Variants in DDAH1 observed in about 807,000 individuals in gnomAD.
DDAH1 encodes the protein N(G),N(G)-dimethylarginine dimethylaminohydrolase 1.
In DDAH1, 19 loss-of-function variants were observed where a neutral mutation model predicts 28.8. The observed-to-expected ratio is 0.66, with a 90% CI of 0.46 to 0.97. DDAH1 has a LOEUF of 0.97. DDAH1 is among the 50% of genes least tolerant of loss of function. The probability of loss-of-function intolerance (pLI) is 0.00; values close to 1 mark genes in which losing one functional copy is unlikely to be tolerated. For synonymous variants in DDAH1, 153 were observed against 154.4 expected (o/e 0.99, Z 0.07); for missense variants, 326 against 375.9 (o/e 0.87, Z 1.10).
chr1:85,551,315 C>A (rs1658782202), intron 1 of DDAH1, among the ~76,000 whole-genome samples: 1 of 152,304 alleles, frequency 6.6e-6, no homozygotes, highest in Non-Finnish European at 1.5e-5. Flanking sequence ...TAGAAATAAA[C>A]AAGGTTTGTG....
At chr1:85,475,091 C>T (rs1401425561) in intron 2 of DDAH1, among the ~76,000 whole-genome samples, 2 of 152,182 alleles carry the variant, frequency 1.3e-5, no homozygotes. Context: ...GCTGAGGGAG[C>T]CCTTTGTTCA....
intron 1 of DDAH1, among the ~76,000 whole-genome samples, chr1:85,386,421 C>T (rs1651264784): frequency 6.6e-6 from 1 of 152,234 alleles, no homozygotes; most frequent in Admixed American, 6.5e-5. Context: ...AAGTCCAAAA[C>T]TCAGTAGGGC....
chr1:85,501,374 A>G (rs1442610405), intron 1 of DDAH1, among the ~76,000 whole-genome samples: 1 of 152,150 alleles, frequency 6.6e-6, no homozygotes, highest in Non-Finnish European at 1.5e-5. Flanking sequence ...GAACATCTAC[A>G]TCTCCAGTTT....
At chr1:85,460,817 C>G (rs757586435) in intron 1 of DDAH1, among the ~76,000 whole-genome samples, 17 of 152,168 alleles carry the variant, frequency 1.1e-4, no homozygotes, top group Non-Finnish European at 2.2e-4. Flanking sequence ...ACTGCATATC[C>G]TTTTGTACCT....
At chr1:85,529,348 C>T (rs1233686141) in intron 1 of DDAH1, among the ~76,000 whole-genome samples, 1 of 152,004 alleles carries the variant, frequency 6.6e-6, no homozygotes, top group Non-Finnish European at 1.5e-5. Flanking sequence ...AGGGGCCTAT[C>T]CATACCTTTT....
At chr1:85,377,507 G>A (rs1650735289) in intron 1 of DDAH1, among the ~76,000 whole-genome samples, 1 of 152,104 alleles carries the variant, frequency 6.6e-6, no homozygotes, top group Non-Finnish European at 1.5e-5. Flanking sequence ...AAAAACAAGA[G>A]TGAAGACCAT....
chr1:85,380,328 A>G (rs1360372077), intron 1 of DDAH1: 2 of 152,238 alleles, frequency 1.3e-5, no homozygotes, highest in Admixed American at 6.5e-5. Flanking sequence ...ATTCCAACTC[A>G]GTTAAATTCA....
chr1:85,527,686 A>G (rs2100769927), intron 1 of DDAH1, among the ~76,000 whole-genome samples: 1 of 152,336 alleles, frequency 6.6e-6, no homozygotes, highest in East Asian at 1.9e-4. Flanking sequence ...CTTTAAAATA[A>G]AAAAGCAACT....
intron 1 of DDAH1, among the ~76,000 whole-genome samples, chr1:85,413,747 T>G (rs1374658745): frequency 6.6e-6 from 1 of 152,232 alleles, no homozygotes; most frequent in Non-Finnish European, 1.5e-5. Context: ...CATTTAACCT[T>G]TCTAAGAGAC....
chr1:85,465,339 G>T (rs1231128807), upstream of DDAH1: 3 of 465,214 alleles, frequency 6.4e-6, no homozygotes, highest in Non-Finnish European at 8.5e-6. Flanking sequence ...CAGGAGAGGC[G>T]GCCGGGGAAG....
At chr1:85,396,928 G>C (rs779443013) in intron 1 of DDAH1, among the ~76,000 whole-genome samples, 2 of 151,860 alleles carry the variant, frequency 1.3e-5, no homozygotes, top group Admixed American at 1.3e-4. Context: ...CTAGCTACTC[G>C]GGAGGCTGAG....
intron 1 of DDAH1, among the ~76,000 whole-genome samples, chr1:85,455,450 T>G (rs991664865): frequency 6.6e-6 from 1 of 152,214 alleles, no homozygotes; most frequent in African/African-American, 2.4e-5. Flanking sequence ...TCTTTTTTTT[T>G]GTCTTTCTTT....
chr1:85,367,790 C>T (rs1403046142), intron 1 of DDAH1, among the ~76,000 whole-genome samples: 2 of 152,154 alleles, frequency 1.3e-5, no homozygotes, highest in African/African-American at 4.8e-5. Flanking sequence ...CTGGTGAGAA[C>T]ACATCCATCA....
intron 1 of DDAH1, among the ~76,000 whole-genome samples, chr1:85,361,974 T>G (rs896864465): frequency 3.3e-5 from 5 of 152,216 alleles, no homozygotes; most frequent in Admixed American, 6.5e-5. Flanking sequence ...GAATAACAGC[T>G]TGTGTATACA....
intron 1 of DDAH1, among the ~76,000 whole-genome samples, chr1:85,543,493 C>T (rs1658530939): frequency 6.6e-6 from 1 of 152,118 alleles, no homozygotes; most frequent in African/African-American, 2.4e-5. Context: ...TTGATCACTT[C>T]AAGGAAACAT....
At chr1:85,577,524 G>A (rs1659647738) in intron 1 of DDAH1, among the ~76,000 whole-genome samples, 1 of 152,328 alleles carries the variant, frequency 6.6e-6, no homozygotes, top group South Asian at 2.1e-4. Flanking sequence ...GTCCAGGGCA[G>A]TGGTGCTCAG....
At chr1:85,472,565 T>TA (rs1271058718) in intron 2 of DDAH1, among the ~76,000 whole-genome samples, 5 of 152,328 alleles carry the variant, frequency 3.3e-5, no homozygotes, top group African/African-American at 1.2e-4. Context: ...CACAGTGTAA[T>TA]AACCCACGGA....
At chr1:85,378,484 C>G (rs1650800695) in intron 1 of DDAH1, among the ~76,000 whole-genome samples, 1 of 152,198 alleles carries the variant, frequency 6.6e-6, no homozygotes, top group African/African-American at 2.4e-5. Context: ...TCACAGCACA[C>G]TGCAGCCTTG....
At chr1:85,430,132 C>T (rs1199947006) in intron 1 of DDAH1, among the ~76,000 whole-genome samples, 1 of 152,164 alleles carries the variant, frequency 6.6e-6, no homozygotes, top group Non-Finnish European at 1.5e-5. Context: ...GCCAGTTTTC[C>T]CAACGCCATT....
Sources: gnomAD v4.1 joint callset for allele counts (sites outside exome capture counted in the v4.1 genomes callset) on GRCh38, gnomAD v4.1.1 for gene constraint, MANE v1.5 for transcripts, NCBI Gene and HGNC (gene_info 2026-07-23, HGNC 2026-07-21) for gene names.